The following TBCK variants were observed in gnomAD, a reference collection of about 807,000 sequenced individuals.
TBCK encodes TBC domain-containing protein kinase-like protein.
In TBCK, 99 loss-of-function variants were observed where a neutral mutation model predicts 113.4. That is an observed-to-expected ratio of 0.87 (90% CI 0.74 to 1.03). The LOEUF (loss-of-function observed/expected upper bound fraction) is 1.03. Ranked by LOEUF, TBCK falls within the 50% of genes least tolerant of loss-of-function variation. The pLI is 0.00. For synonymous variants in TBCK, 369 were observed against 370.8 expected, an observed-to-expected ratio of 1.00 and a Z score of 0.05; for missense variants, 1,045 against 1,061.3, an observed-to-expected ratio of 0.98 and a Z score of 0.21.
chr4:106,125,817 G>A (rs1400281531), intron 23 of TBCK, among the ~76,000 whole-genome samples: 1 of 151,990 alleles, frequency 6.6e-6, no homozygotes, highest in Non-Finnish European at 1.5e-5. Context: ...TTAGATAGAA[G>A]GAATAAGTTC....
chr4:106,236,811 G>A lies in TBCK; in HGVS notation c.1171-3C>T. ...TCTCCACCAACATCTTTCAATCTCTGTGTATTTAAAGACAAAATATTTATG... is the reference window on the plus strand; with the variant it reads ...TCTCCACCAACATCTTTCAATCTCTATGTATTTAAAGACAAAATATTTATG... On this transcript the variant is annotated splice_region_variant and splice_polypyrimidine_tract_variant and intron_variant, in intron 12 of 25. Transcript: ENST00000394708. The A allele has an allele frequency of 6.7e-7, 1 of 1,497,962 alleles. No individual in the cohort carries two copies. The allele number at this position is 1,497,962 out of a possible 1,614,324, so 92.8% of individuals were successfully genotyped here.
chr4:106,243,179 A>G (rs2150035566), intron 11 of TBCK, among the ~76,000 whole-genome samples: 1 of 152,284 alleles, frequency 6.6e-6, no homozygotes, highest in South Asian at 2.1e-4. Flanking sequence ...ATTTTCAAAT[A>G]TCTCTTGAGT....
intron 24 of TBCK, among the ~76,000 whole-genome samples, chr4:106,096,559 G>A (rs1173804754): frequency 6.6e-6 from 1 of 152,144 alleles, no homozygotes; most frequent in Non-Finnish European, 1.5e-5. Flanking sequence ...TAGCAGACAT[G>A]TTTGGGCTGC....
intron 25 of TBCK, among the ~76,000 whole-genome samples, chr4:106,068,576 C>T (rs556150840): frequency 2.7e-4 from 41 of 152,236 alleles, no homozygotes; most frequent in African/African-American, 9.1e-4. Flanking sequence ...GGTTCCAAGT[C>T]TTTGCTATTG....
At chr4:106,114,938 T>G (rs1397417813) in intron 24 of TBCK, among the ~76,000 whole-genome samples, 2 of 152,166 alleles carry the variant, frequency 1.3e-5, no homozygotes, top group Non-Finnish European at 2.9e-5. Flanking sequence ...TTTCTAGTAT[T>G]GCTGAAACCC....
At chr4:106,212,024 A>G (rs1756195958) in intron 20 of TBCK, among the ~76,000 whole-genome samples, 1 of 152,126 alleles carries the variant, frequency 6.6e-6, no homozygotes, top group Non-Finnish European at 1.5e-5. Flanking sequence ...ATACATTCAC[A>G]GTGTTAAAAA....
chr4:106,247,016 G>T, intron 10 of TBCK, 123 bp downstream of exon 10: 1 of 989,632 alleles, frequency 1.0e-6, no homozygotes, highest in Non-Finnish European at 1.4e-6. Context: ...TTCCAGAATT[G>T]TCTCTTAATT....
At position 106,085,820 on chromosome 4, in the gene TBCK, T is replaced by C. The variant is rs551847710; in HGVS notation, c.2571+9662A>G. On this transcript the variant is annotated intron_variant, in intron 25 of 25. Transcript: ENST00000394708. ...ACTCACTCAAAACCACATAGTTTCA[T>C]GGAAATTGAACAACCTGTTCCTTAA... Among the ~76,000 whole-genome samples, 14 of 152,338 alleles carry C rather than the reference T, an allele frequency of 9.2e-5. No individual in the cohort carries two copies. In the East Asian group the frequency reaches 1.7e-3, roughly 19 times the overall value.
At chr4:106,293,071 G>A (rs77533334) in intron 3 of TBCK, among the ~76,000 whole-genome samples, 6,217 of 152,190 alleles carry the variant, frequency 0.041, 450 homozygotes, top group African/African-American at 0.14. Context: ...CAACCACAAA[G>A]GACCCCTGAA....
At chr4:106,114,606 A>C (rs919592314) in intron 24 of TBCK, among the ~76,000 whole-genome samples, 3 of 152,088 alleles carry the variant, frequency 2.0e-5, no homozygotes, top group Non-Finnish European at 4.4e-5. Context: ...TTCACTGGAT[A>C]CCTGCGTCTG....
At chr4:106,276,304 G>C (rs1472801362) in intron 3 of TBCK, among the ~76,000 whole-genome samples, 1 of 152,180 alleles carries the variant, frequency 6.6e-6, no homozygotes, top group Non-Finnish European at 1.5e-5. Context: ...AATGATTCTA[G>C]AATAAAATAT....
At chr4:106,083,547 GT>G (rs918937645) in intron 25 of TBCK, among the ~76,000 whole-genome samples, 17 of 152,194 alleles carry the variant, frequency 1.1e-4, no homozygotes, top group South Asian at 2.1e-4. Flanking sequence ...AGACGAGTGG[GT>G]TTCCCCCCAG....
At chr4:106,280,629 A>C (rs771482742) in intron 3 of TBCK, among the ~76,000 whole-genome samples, 1 of 152,128 alleles carries the variant, frequency 6.6e-6, no homozygotes, top group Non-Finnish European at 1.5e-5. Flanking sequence ...ACAGAGGTCT[A>C]GTTTCATTCT....
intron 20 of TBCK, among the ~76,000 whole-genome samples, chr4:106,206,433 A>C (rs1262306500): frequency 1.3e-5 from 2 of 152,192 alleles, no homozygotes; most frequent in East Asian, 3.8e-4. Flanking sequence ...GACTTTAATA[A>C]GCCATTTGTA....
chr4:106,055,435 A>G (rs111809540), intron 25 of TBCK, among the ~76,000 whole-genome samples: 4,058 of 151,760 alleles, frequency 0.027, 165 homozygotes, highest in African/African-American at 0.093. Context: ...TTTTTAAATT[A>G]TAAGTTTTAA....
intron 25 of TBCK, among the ~76,000 whole-genome samples, chr4:106,073,541 G>A (rs1376111910): frequency 6.6e-6 from 1 of 152,208 alleles, no homozygotes; most frequent in Non-Finnish European, 1.5e-5. Context: ...CCCCTACTGG[G>A]AGGTATCTCC....
Position 106,286,196 on chromosome 4 carries a change from C to T in TBCK, c.266+8898G>A, listed in dbSNP as rs541984680. 2.0e-5 allele frequency among the ~76,000 whole-genome samples: 3 copies of T among 152,148 alleles called. No individual in the cohort carries two copies. The South Asian group carries it at 6.2e-4, about 32-fold the overall frequency. Reference sequence around the variant, plus strand: ...ATCTCAATGGAAAAAATGGAAAGACCTGTTAAGGCTACTATATGTTCTATT... The same window carrying T: ...ATCTCAATGGAAAAAATGGAAAGACTTGTTAAGGCTACTATATGTTCTATT... On this transcript the variant is annotated intron_variant, in intron 3 of 25. Transcript: ENST00000394708.
intron 25 of TBCK, among the ~76,000 whole-genome samples, chr4:106,076,487 G>T (rs62320123): frequency 5.9e-5 from 9 of 152,124 alleles, no homozygotes; most frequent in Non-Finnish European, 1.3e-4. Context: ...TTAGTGAGAG[G>T]TTGTCATGTA....
intron 20 of TBCK, among the ~76,000 whole-genome samples, chr4:106,197,531 G>A (rs570965054): frequency 6.6e-6 from 1 of 150,944 alleles, no homozygotes; most frequent in African/African-American, 2.4e-5. Flanking sequence ...TAACCAGAAT[G>A]AAAACAACAA....
Sources: gnomAD v4.1 joint callset for allele counts (sites outside exome capture counted in the v4.1 genomes callset) on GRCh38, gnomAD v4.1.1 for gene constraint, MANE v1.5 for transcripts, NCBI Gene and HGNC (gene_info 2026-07-23, HGNC 2026-07-21) for gene names.